MID2: variants seen among roughly 807,000 people sequenced by gnomAD.
The protein encoded by MID2 is probable E3 ubiquitin-protein ligase MID2.
In MID2, 13 loss-of-function variants were observed where a neutral mutation model predicts 46.1. That is an observed-to-expected ratio of 0.28 (90% CI 0.18 to 0.45). MID2 has a LOEUF of 0.45. Ranked by LOEUF, MID2 falls within the 20% of genes least tolerant of loss-of-function variation. MID2 has a pLI of 1.00. For missense variants in MID2, 431 were observed against 575.4 expected (o/e 0.75, Z 2.57); for synonymous variants, 199 against 212.3 (o/e 0.94, Z 0.55).
intron 5 of MID2, among the ~76,000 whole-genome samples, chrX:107,909,038 C>A (rs1358657682): frequency 9.0e-6 from 1 of 111,360 alleles, no homozygotes; most frequent in East Asian, 2.8e-4. Context: ...GATTTTTTGC[C>A]TATCAGGTAA....
chrX:107,827,553 A>G (rs1462676484), intron 1 of MID2, among the ~76,000 whole-genome samples: 2 of 111,548 alleles, frequency 1.8e-5, no homozygotes, highest in Non-Finnish European at 1.9e-5. Flanking sequence ...GTGTGGGTTG[A>G]TCCCTCTGAT....
In MID2 at chrX:107,841,063, C is replaced by G; in HGVS notation, c.398C>G (p.Ser133Cys). The change falls in exon 2 of 10, where the codon TCT (serine) becomes TGT (cysteine). Residue 133 changes from serine to cysteine, a missense_variant. Transcript: ENST00000262843. Reference protein sequence around the residue: ...ERTYRPTTAMSSERIACQFCE... With the variant: ...ERTYRPTTAMCSERIACQFCE... ...ACTTACAGGCCCACCACTGCCATGT[C>G]TAGCGAGCGAATTGCTTGCCAATTC... The G allele has an allele frequency of 8.3e-7, 1 of 1,211,615 alleles. No individual in the cohort carries two copies. Among genetic ancestry groups the G allele is most frequent in the Non-Finnish European group, 1.1e-6 (1 of 895,508 alleles).
intron 5 of MID2, among the ~76,000 whole-genome samples, chrX:107,909,675 G>A (rs1304282533): frequency 8.9e-6 from 1 of 112,010 alleles, no homozygotes; most frequent in African/African-American, 3.2e-5. Context: ...GAGTACATGG[G>A]AAGTAAATTT....
chrX:107,927,617 A>G lies in MID2; in HGVS notation c.*544A>G, dbSNP rs763792275. ...TATAAAGTGAACATATATGTACTTTATATATATTCACTTGTGTATGTATGT... is the reference window on the plus strand; with the variant it reads ...TATAAAGTGAACATATATGTACTTTGTATATATTCACTTGTGTATGTATGT... On this transcript the variant is annotated 3_prime_UTR_variant, in exon 10 of 10. Coordinates refer to ENST00000262843, the MANE Select transcript of MID2 (RefSeq NM_012216.4). Among the ~76,000 whole-genome samples the G allele has an allele frequency of 3.7e-4, 41 of 112,133 alleles. No individual in the cohort carries two copies. The highest frequency in any genetic ancestry group is 6.8e-4 in the Non-Finnish European group (36 of 53,209).
chrX:107,912,932 G>T (rs1932912519), intron 5 of MID2, among the ~76,000 whole-genome samples: 1 of 110,566 alleles, frequency 9.0e-6, no homozygotes, highest in Admixed American at 9.7e-5. Flanking sequence ...ATTTTAGCTG[G>T]GAGAGATATG....
intron 1 of MID2, among the ~76,000 whole-genome samples, chrX:107,836,840 G>A (rs1322607028): frequency 1.8e-5 from 2 of 111,573 alleles, no homozygotes; most frequent in African/African-American, 3.3e-5. Flanking sequence ...AAACAGATTC[G>A]AAACAGTCTA....
chrX:107,900,349 G>C (rs1932785660), intron 3 of MID2, among the ~76,000 whole-genome samples: 1 of 111,710 alleles, frequency 9.0e-6, no homozygotes, highest in African/African-American at 3.3e-5. Context: ...GTTATAATGG[G>C]AGAGACAAAG....
chrX:107,826,774 G>A (rs764245512), intron 1 of MID2, among the ~76,000 whole-genome samples: 5 of 113,380 alleles, frequency 4.4e-5, no homozygotes, highest in African/African-American at 1.6e-4. Context: ...GCGCCTGGGC[G>A]CGAGTCTGGG....
intron 1 of MID2, among the ~76,000 whole-genome samples, chrX:107,832,766 G>T (rs1429103245): frequency 8.9e-6 from 1 of 111,895 alleles, no homozygotes; most frequent in Non-Finnish European, 1.9e-5. Context: ...TGACCACCTA[G>T]CCTCTTCTGT....
Position 107,827,277 on chromosome X carries a change from C to A in MID2, c.4+847C>A, listed in dbSNP as rs1930977826. Reference sequence around the variant, plus strand: ...TCTTTACTTTCTCTCTTCCACGGTCCCCTACCCGTTTTCAGGATCACTCAC... The same window carrying A: ...TCTTTACTTTCTCTCTTCCACGGTCACCTACCCGTTTTCAGGATCACTCAC... On this transcript the variant is annotated intron_variant, in intron 1 of 9. Transcript: ENST00000262843. Among the ~76,000 whole-genome samples the A allele has an allele frequency of 1.8e-5, 2 of 111,147 alleles. 1 individual carries two copies.
chrX:107,870,490 A>G (rs918541899), intron 3 of MID2, among the ~76,000 whole-genome samples: 5 of 111,112 alleles, frequency 4.5e-5, no homozygotes, highest in South Asian at 3.8e-4. Context: ...CACCCTTCCA[A>G]TCTGGTCTAA....
intron 4 of MID2, among the ~76,000 whole-genome samples, chrX:107,904,983 G>A (rs1932824337): frequency 9.0e-6 from 1 of 111,626 alleles, no homozygotes; most frequent in South Asian, 3.8e-4. Context: ...ACACAGGTAT[G>A]CATAAAGACA....
intron 3 of MID2, among the ~76,000 whole-genome samples, chrX:107,865,693 T>C (rs1015525162): frequency 1.8e-5 from 2 of 112,572 alleles, no homozygotes; most frequent in Admixed American, 1.9e-4. Flanking sequence ...AGAGAAGGTT[T>C]TCCTCCTCTT....
rs956263956 is a variant in MID2, at chrX:107,928,614, T to C, written c.*1541T>C. On this transcript the variant is annotated 3_prime_UTR_variant, in exon 10 of 10. Coordinates refer to ENST00000262843, the MANE Select transcript of MID2 (RefSeq NM_012216.4). ...TCTTCCTTTCCCCTAGTTTGGTGGA[T>C]GCTCATTTATTAATTCATTCAATAA... is the stretch of plus-strand genomic sequence containing the variant. Among the ~76,000 whole-genome samples, 1 of 111,764 alleles carries C rather than the reference T, an allele frequency of 8.9e-6. No homozygotes were observed. Among genetic ancestry groups the C allele is most frequent in the Non-Finnish European group, 1.9e-5 (1 of 53,069 alleles).
rs144370342 is a variant in MID2, at chrX:107,924,695, T to C, written c.1597+191T>C. Among the ~76,000 whole-genome samples, 17 of 111,394 alleles carry C rather than the reference T, an allele frequency of 1.5e-4. No individual in the cohort carries two copies. The East Asian group carries it at 3.7e-3, about 24-fold the overall frequency. ...TGGGAGATTTGTGGACTCAGAGATA[T>C]GCACAAAAAGACTGTTAGCTTGGGA... On this transcript the variant is annotated intron_variant, in intron 8 of 9. Coordinates refer to ENST00000262843, the MANE Select transcript of MID2 (RefSeq NM_012216.4).
chrX:107,909,313 G>C (rs974051813), intron 5 of MID2, among the ~76,000 whole-genome samples: 4 of 111,502 alleles, frequency 3.6e-5, no homozygotes, highest in Admixed American at 9.5e-5. Context: ...TTCCAGTTTA[G>C]CTGGTAGGAA....
chrX:107,843,089 G>A (rs1353593153), intron 2 of MID2, among the ~76,000 whole-genome samples: 1 of 112,173 alleles, frequency 8.9e-6, no homozygotes, highest in African/African-American at 3.2e-5. Flanking sequence ...CATCAAGGAA[G>A]GGACAGATTG....
chrX:107,921,744 G>A (rs151224413), intron 7 of MID2, among the ~76,000 whole-genome samples: 78 of 111,249 alleles, frequency 7.0e-4, no homozygotes, highest in African/African-American at 2.5e-3. Context: ...GCCCTTACTT[G>A]TGTTGGTGTT....
chrX:107,924,282 T>G, intron 7 of MID2, 61 bp from the exon 8 acceptor site: 1 of 1,081,951 alleles, frequency 9.2e-7, no homozygotes, highest in Non-Finnish European at 1.3e-6. Flanking sequence ...ATTTTCAGTG[T>G]GTTTTTCATT....
Sources: allele counts gnomAD v4.1 joint callset (sites outside exome capture counted in the v4.1 genomes callset), GRCh38; gene constraint gnomAD v4.1.1; transcripts MANE v1.5; gene names NCBI Gene and HGNC (gene_info 2026-07-23, HGNC 2026-07-21).